The following LDB2 variants were observed in gnomAD, a reference collection of about 807,000 sequenced individuals.
LDB2 encodes the protein LIM domain-binding protein 2.
A neutral mutation model predicts 44.3 loss-of-function variants in LDB2; 12 were observed. The ratio of observed to expected loss-of-function variants is 0.27; its 90% CI spans 0.17 to 0.44. The LOEUF (loss-of-function observed/expected upper bound fraction) is 0.44, where lower values mean the gene tolerates loss of function less well. Ranked by LOEUF, LDB2 falls within the 20% of genes least tolerant of loss-of-function variation. LDB2 has a pLI of 1.00. For synonymous variants in LDB2, 164 were observed against 174.8 expected (o/e 0.94, Z 0.49); for missense variants, 344 against 473.5 (o/e 0.73, Z 2.54).
intron 1 of LDB2, among the ~76,000 whole-genome samples, chr4:16,831,174 C>CTTTTTTTTTTTTTTTTT (rs370309653): frequency 1.6e-5 from 2 of 126,710 alleles, no homozygotes. Flanking sequence ...CCTCTCTGAG[C>CTTTTTTTTTTTTTTTTT]TTTTTTTTTT....
chr4:16,514,241 A>C (rs1423722347), intron 5 of LDB2, among the ~76,000 whole-genome samples: 1 of 152,202 alleles, frequency 6.6e-6, no homozygotes, highest in Non-Finnish European at 1.5e-5. Flanking sequence ...ACTTTGATTC[A>C]ATAAATATGT....
In LDB2 at chr4:16,615,525, T is replaced by C. The variant is rs149390533; in HGVS notation, c.236-19650A>G. ...CAGGAACAGAAAACCAAACACCACA[T>C]GTTCTCGCTCATAAGTGAGAGTTGA... On this transcript the variant is annotated intron_variant, in intron 2 of 7. Transcript: ENST00000304523. Among the ~76,000 whole-genome samples, 814 of 152,118 alleles carry C rather than the reference T, an allele frequency of 5.4e-3. 3 individuals are homozygous for C. The highest frequency in any genetic ancestry group is 9.3e-3 in the Non-Finnish European group (635 of 68,006).
At chr4:16,644,572 C>A (rs2152515153) in intron 2 of LDB2, among the ~76,000 whole-genome samples, 1 of 152,120 alleles carries the variant, frequency 6.6e-6, no homozygotes, top group Admixed American at 6.5e-5. Context: ...GCATTACAGG[C>A]ATGTGCCACC....
intron 1 of LDB2, among the ~76,000 whole-genome samples, chr4:16,833,975 A>G (rs1392690899): frequency 6.6e-6 from 1 of 152,028 alleles, no homozygotes; most frequent in South Asian, 2.1e-4. Context: ...TCCATGGTTC[A>G]CTCTCTTACT....
At chr4:16,830,357 CCTT>C (rs1257353776) in intron 1 of LDB2, among the ~76,000 whole-genome samples, 2 of 152,160 alleles carry the variant, frequency 1.3e-5, no homozygotes, top group Non-Finnish European at 2.9e-5. Context: ...CACACCCTCT[CCTT>C]CTGCCTTGTG....
At chr4:16,784,994 A>G (rs1774087214) in intron 1 of LDB2, among the ~76,000 whole-genome samples, 1 of 118,790 alleles carries the variant, frequency 8.4e-6, no homozygotes, top group Non-Finnish European at 1.9e-5. Context: ...GTGTTGCTCT[A>G]TAATTGAAGA....
chr4:16,818,811 G>C (rs572009362), intron 1 of LDB2, among the ~76,000 whole-genome samples: 4 of 152,234 alleles, frequency 2.6e-5, no homozygotes, highest in African/African-American at 9.6e-5. Flanking sequence ...ACCATTGATG[G>C]GGATAAAGAC....
In LDB2 at chr4:16,595,719, T is replaced by C; in HGVS notation, c.392A>G (p.Lys131Arg). The C allele has an allele frequency of 6.2e-7, 1 of 1,613,476 alleles. No homozygotes were observed. The highest frequency in any genetic ancestry group is 2.2e-5 in the East Asian group (1 of 44,874). The change falls in exon 3 of 8, where the codon AAG (lysine) becomes AGG (arginine). Residue 131 changes from lysine (K) to arginine (R), a missense_variant. This residue lies in a region of LDB2 where 226 missense variants were observed against 270.1 expected (regional missense o/e 0.84). Transcript: ENST00000304523. Reference sequence around the variant, plus strand: ...GTCCTGTACCTTGGTAAACATGGGCTTCCCGTGCTGGGTGACCATGGTACA... The same window carrying C: ...GTCCTGTACCTTGGTAAACATGGGCCTCCCGTGCTGGGTGACCATGGTACA... ...DQCTMVTQHG[K>R]PMFTKVCTEG...
chr4:16,694,519 G>A (rs1013801013), intron 2 of LDB2, among the ~76,000 whole-genome samples: 1 of 152,206 alleles, frequency 6.6e-6, no homozygotes, highest in Non-Finnish European at 1.5e-5. Flanking sequence ...ACTAAATTAG[G>A]CATCTGAATT....
intron 2 of LDB2, among the ~76,000 whole-genome samples, chr4:16,713,050 A>G (rs146115161): frequency 3.6e-4 from 55 of 152,370 alleles, no homozygotes; most frequent in Non-Finnish European, 6.5e-4. Flanking sequence ...GATACATGCT[A>G]CAACATGGAC....
intron 2 of LDB2, among the ~76,000 whole-genome samples, chr4:16,682,048 A>G (rs1022229657): frequency 2.6e-5 from 4 of 152,216 alleles, no homozygotes; most frequent in African/African-American, 4.8e-5. Flanking sequence ...AGGTGACTAC[A>G]TACCTTTAAA....
chr4:16,689,139 A>G (rs1749974468), intron 2 of LDB2, among the ~76,000 whole-genome samples: 2 of 152,202 alleles, frequency 1.3e-5, no homozygotes, highest in Non-Finnish European at 2.9e-5. Flanking sequence ...GGTAGGTGGA[A>G]CCTTTAATGA....
At chr4:16,758,770 T>C (rs1320770099) in intron 2 of LDB2, among the ~76,000 whole-genome samples, 2 of 152,102 alleles carry the variant, frequency 1.3e-5, no homozygotes, top group African/African-American at 4.8e-5. Flanking sequence ...GCTGATACAG[T>C]GACAGTAGGA....
intron 5 of LDB2, among the ~76,000 whole-genome samples, chr4:16,524,676 C>A (rs1379906965): frequency 1.3e-5 from 2 of 152,172 alleles, no homozygotes; most frequent in Admixed American, 1.3e-4. Context: ...AAACCCTCTG[C>A]AAATGCCATT....
chr4:16,546,408 A>G (rs900341346), intron 5 of LDB2, among the ~76,000 whole-genome samples: 3 of 152,236 alleles, frequency 2.0e-5, no homozygotes, highest in Non-Finnish European at 2.9e-5. Flanking sequence ...AATAATTACC[A>G]TATATAGATA....
chr4:16,651,223 C>T (rs1156371498), intron 2 of LDB2: 1 of 152,170 alleles, frequency 6.6e-6, no homozygotes, highest in African/African-American at 2.4e-5. Flanking sequence ...ACCTGTCTTT[C>T]AGTGGTTGCA....
intron 2 of LDB2, among the ~76,000 whole-genome samples, chr4:16,650,955 T>A (rs994246625): frequency 6.6e-6 from 1 of 152,246 alleles, no homozygotes; most frequent in South Asian, 2.1e-4. Flanking sequence ...CTAATATCTA[T>A]GGGTTATCAT....
At chr4:16,639,008 G>A (rs1329499649) in intron 2 of LDB2, among the ~76,000 whole-genome samples, 2 of 152,172 alleles carry the variant, frequency 1.3e-5, no homozygotes, top group African/African-American at 2.4e-5. Flanking sequence ...CCCTGATGTT[G>A]CAAAAAGAGT....
At chr4:16,623,765 TACACAC>T (rs35051593) in intron 2 of LDB2, among the ~76,000 whole-genome samples, 2 of 146,802 alleles carry the variant, frequency 1.4e-5, no homozygotes, top group African/African-American at 2.5e-5. Flanking sequence ...GAAATATACA[TACACAC>T]ACACACACAC....
Sources: gnomAD v4.1 joint callset for allele counts (sites outside exome capture counted in the v4.1 genomes callset) on GRCh38, gnomAD v4.1.1 for gene constraint, gnomAD v4.1.1 regional missense constraint, MANE v1.5 for transcripts, NCBI Gene and HGNC (gene_info 2026-07-23, HGNC 2026-07-21) for gene names.